Variants in MME observed in about 807,000 individuals in gnomAD.
MME encodes the protein membrane metalloendopeptidase.
MME carries 98 observed loss-of-function variants against 113.2 expected under a neutral mutation model. That is an observed-to-expected ratio of 0.87 (90% confidence interval 0.74 to 1.02). The LOEUF (loss-of-function observed/expected upper bound fraction) is 1.02. MME is among the 50% of genes least tolerant of loss of function. The pLI, the probability that MME is intolerant of heterozygous loss-of-function variation, is 0.00. For missense variants in MME, 836 were observed against 896.0 expected, an observed-to-expected ratio of 0.93 and a Z score of 0.86; for synonymous variants, 292 against 300.6, an observed-to-expected ratio of 0.97 and a Z score of 0.30.
chr3:155,152,056 C>G (rs1721974424), intron 16 of MME, among the ~76,000 whole-genome samples: 1 of 152,144 alleles, frequency 6.6e-6, no homozygotes, highest in South Asian at 2.1e-4. Context: ...TGATGTGTGA[C>G]TGTTTTGAAG....
chr3:155,042,128 T>A (rs1713342140), intron 1 of MME, among the ~76,000 whole-genome samples: 1 of 152,162 alleles, frequency 6.6e-6, no homozygotes, highest in Non-Finnish European at 1.5e-5. Flanking sequence ...TTTCTTCCAT[T>A]TTCACTGAGA....
chr3:155,108,695 A>G (rs1284763677), intron 3 of MME, among the ~76,000 whole-genome samples: 1 of 152,104 alleles, frequency 6.6e-6, no homozygotes, highest in African/African-American at 2.4e-5. Flanking sequence ...TATCATATTT[A>G]TGTCAACTTT....
chr3:155,062,011 A>G (rs1043777261), intron 1 of MME, among the ~76,000 whole-genome samples: 6 of 152,084 alleles, frequency 3.9e-5, no homozygotes, highest in Non-Finnish European at 8.8e-5. Context: ...ATATCATATT[A>G]TTTGCAAATA....
intron 1 of MME, among the ~76,000 whole-genome samples, chr3:155,048,750 C>T (rs1713652611): frequency 6.6e-6 from 1 of 152,012 alleles, no homozygotes; most frequent in Non-Finnish European, 1.5e-5. Context: ...TTCAGTTCTT[C>T]CTTTTCATGT....
chr3:155,144,268 C>T, intron 13 of MME, 91 bp from the exon 14 acceptor site: 2 of 852,020 alleles, frequency 2.3e-6, no homozygotes, highest in Non-Finnish European at 4.1e-6. Context: ...CATATTAAGT[C>T]ATACAAAGAT....
In MME at chr3:155,138,713, G is replaced by T. The variant is rs73875820; in HGVS notation, c.855+477G>T. Among the ~76,000 whole-genome samples, 482 of 152,258 alleles carry T rather than the reference G, an allele frequency of 3.2e-3. 2 individuals carry two copies. The highest frequency in any genetic ancestry group is 0.01 in the African/African-American group (436 of 41,562). On this transcript the variant is annotated intron_variant, in intron 9 of 22. Transcript: ENST00000360490. ...TGATACTACTGAGTTCAAATTGTCA[G>T]GCTGCTGAGCTGACGGAGGGTAAGA... is the stretch of plus-strand genomic sequence containing the variant.
At chr3:155,126,876 G>A (rs1195174846) in intron 8 of MME, among the ~76,000 whole-genome samples, 4 of 152,084 alleles carry the variant, frequency 2.6e-5, no homozygotes, top group East Asian at 1.9e-4. Flanking sequence ...CTGCATGCCT[G>A]TAATCCCAGC....
In MME at chr3:155,180,814, A is replaced by G; in HGVS notation, c.*355A>G. The G allele has an allele frequency of 3.7e-6, 1 of 273,690 alleles. No homozygotes were observed. Among genetic ancestry groups the G allele is most frequent in the Non-Finnish European group, 7.2e-6 (1 of 139,348 alleles). 17.0% of individuals were successfully genotyped at this position (273,690 alleles called of 1,614,324 possible). On this transcript the variant is annotated 3_prime_UTR_variant, in exon 23 of 23. Coordinates refer to ENST00000360490, the MANE Select transcript of MME (RefSeq NM_007289.4). ...AGACCAGGATTTCTAATCAAAAGGG[A>G]AAAGAAGATGTTGAAGAATACAGTT...
upstream of MME, among the ~76,000 whole-genome samples, chr3:155,076,370 T>C (rs1361294218): frequency 6.6e-6 from 1 of 152,208 alleles, no homozygotes; most frequent in East Asian, 1.9e-4. Context: ...CTACACTTTG[T>C]ATGAAGTCCC....
chr3:155,085,171 C>T (rs1434394893), intron 3 of MME, 77 bp downstream of exon 3: 3 of 939,428 alleles, frequency 3.2e-6, no homozygotes, highest in Non-Finnish European at 5.0e-6. Flanking sequence ...TCTTAATTTG[C>T]TTTGTTTACA....
chr3:155,090,794 T>C (rs1716222267), intron 3 of MME, among the ~76,000 whole-genome samples: 1 of 152,198 alleles, frequency 6.6e-6, no homozygotes, highest in South Asian at 2.1e-4. Context: ...ACTGATTTAA[T>C]CAGATTTGTG....
chr3:155,173,345 C>G (rs971811258), intron 22 of MME, among the ~76,000 whole-genome samples: 2 of 144,734 alleles, frequency 1.4e-5, no homozygotes, highest in Admixed American at 1.4e-4. Context: ...AAAAAAAAAA[C>G]CTAAAAATTT....
intron 1 of MME, among the ~76,000 whole-genome samples, chr3:155,038,910 A>T (rs950752177): frequency 6.6e-6 from 1 of 152,164 alleles, no homozygotes; most frequent in African/African-American, 2.4e-5. Flanking sequence ...AAATACAGGT[A>T]TCTCATTTGT....
At chr3:155,131,474 T>C (rs895016543) in intron 8 of MME, among the ~76,000 whole-genome samples, 1 of 152,160 alleles carries the variant, frequency 6.6e-6, no homozygotes, top group Non-Finnish European at 1.5e-5. Context: ...AGTTCAGTAA[T>C]CTGTGTTTAA....
At chr3:155,166,244 T>C (rs56367303) in intron 17 of MME, among the ~76,000 whole-genome samples, 5,615 of 152,240 alleles carry the variant, frequency 0.037, 140 homozygotes, top group Non-Finnish European at 0.058. Flanking sequence ...CAGAAATCTC[T>C]GCTCTCAAAG....
chr3:155,105,803 C>T (rs1034020210), intron 3 of MME, among the ~76,000 whole-genome samples: 6 of 152,168 alleles, frequency 3.9e-5, no homozygotes, highest in African/African-American at 1.4e-4. Context: ...ATGAAGTTGG[C>T]ACTTGGCGTT....
intron 16 of MME, among the ~76,000 whole-genome samples, chr3:155,160,183 A>T (rs1238544849): frequency 1.3e-5 from 2 of 152,114 alleles, no homozygotes; most frequent in African/African-American, 4.8e-5. Flanking sequence ...ATAAAAGATT[A>T]CAGACTTGAA....
chr3:155,074,174 A>G (rs1255509260), intron 1 of MME, among the ~76,000 whole-genome samples: 2 of 151,948 alleles, frequency 1.3e-5, no homozygotes, highest in Admixed American at 1.3e-4. Context: ...TTTATGTACT[A>G]CTGCATTCAG....
chr3:155,118,565 T>C (rs1408434895), intron 7 of MME, among the ~76,000 whole-genome samples, 181 bp from the exon 8 acceptor site: 1 of 152,228 alleles, frequency 6.6e-6, no homozygotes, highest in African/African-American at 2.4e-5. Flanking sequence ...TGCCCGTTAG[T>C]ATAACACTTA....
Sources: gnomAD v4.1 joint callset for allele counts (sites outside exome capture counted in the v4.1 genomes callset) on GRCh38, gnomAD v4.1.1 for gene constraint, MANE v1.5 for transcripts, NCBI Gene and HGNC (gene_info 2026-07-23, HGNC 2026-07-21) for gene names.